Variants in CPLX2 observed in about 807,000 individuals in gnomAD.
The protein encoded by CPLX2 is complexin-2.
A neutral mutation model predicts 16.3 loss-of-function variants in CPLX2; 5 were observed. The ratio of observed to expected loss-of-function variants is 0.31; its 90% CI spans 0.16 to 0.64. The LOEUF (loss-of-function observed/expected upper bound fraction) is 0.64, where lower values mean the gene tolerates loss of function less well. CPLX2 is among the 30% of genes least tolerant of loss of function. The pLI is 0.79. For missense variants in CPLX2, 144 were observed against 181.4 expected (o/e 0.79, Z 1.18); for synonymous variants, 89 against 73.2 (o/e 1.22, Z -1.10).
chr5:175,801,969 C>G (rs1420036150), intron 1 of CPLX2, among the ~76,000 whole-genome samples: 1 of 152,212 alleles, frequency 6.6e-6, no homozygotes, highest in Non-Finnish European at 1.5e-5. Context: ...CCCACAGTCA[C>G]ACAGCCAGTT....
rs1313162735 is a variant in CPLX2, at chr5:175,830,448, C to T, written c.-89+21380C>T. 1.3e-5 allele frequency among the ~76,000 whole-genome samples: 2 copies of T among 152,182 alleles called. No homozygotes were observed. The highest frequency in any genetic ancestry group is 2.9e-5 in the Non-Finnish European group (2 of 68,026). ...TCCCCGCCCCCGGAGGTGCGTGATG[C>T]CCCCACAGAGGAGAGTGAAGCGAGG... On this transcript the variant is annotated intron_variant, in intron 2 of 4. Coordinates refer to the CPLX2 transcript ENST00000359546. This position sits in a 1 kb window ranked among gnomAD's most constrained non-coding sequence, Gnocchi z 4.0.
At chr5:175,871,845 C>T (rs1759629124) in intron 1 of CPLX2, 140 bp downstream of exon 1, 2 of 152,440 alleles carry the variant, frequency 1.3e-5, no homozygotes, top group South Asian at 2.1e-4. Context: ...GCTGCCTGGG[C>T]ACCGGATGGG....
chr5:175,803,104 C>T (rs550650633), intron 1 of CPLX2, among the ~76,000 whole-genome samples: 93 of 152,308 alleles, frequency 6.1e-4, no homozygotes, highest in African/African-American at 2.1e-3. Flanking sequence ...GCTGGGATTA[C>T]AGGCATGAGC....
At chr5:175,854,454 C>A (rs561931501) in intron 2 of CPLX2, among the ~76,000 whole-genome samples, 1 of 152,284 alleles carries the variant, frequency 6.6e-6, no homozygotes, top group African/African-American at 2.4e-5. Flanking sequence ...CTTTCTGAGC[C>A]TCAGTTTGCC....
intron 1 of CPLX2, chr5:175,805,757 T>G (rs964122609): frequency 7.2e-5 from 11 of 152,394 alleles, no homozygotes; most frequent in African/African-American, 2.7e-4. Flanking sequence ...GGGGAAGCCT[T>G]TGCTGGAACT....
chr5:175,839,568 G>C (rs374308372), intron 2 of CPLX2, among the ~76,000 whole-genome samples: 1 of 152,222 alleles, frequency 6.6e-6, no homozygotes, highest in South Asian at 2.1e-4. Flanking sequence ...TTACAGGCGT[G>C]AGCCACCTCA....
chr5:175,869,067 TA>T (rs1759530935), upstream of CPLX2, among the ~76,000 whole-genome samples: 1 of 152,224 alleles, frequency 6.6e-6, no homozygotes, highest in Non-Finnish European at 1.5e-5. Context: ...AGACTTATGA[TA>T]TTCAGCAACT....
In CPLX2 at chr5:175,809,614, C is replaced by T. The variant is rs1396922713; in HGVS notation, c.-89+546C>T. 6.6e-6 allele frequency among the ~76,000 whole-genome samples: 1 copy of T among 152,086 alleles called. No individual in the cohort carries two copies. Among genetic ancestry groups the T allele is most frequent in the African/African-American group, 2.4e-5 (1 of 41,390 alleles). On this transcript the variant is annotated intron_variant, in intron 2 of 4. Transcript: ENST00000359546. This position sits in a 1 kb window ranked among gnomAD's most constrained non-coding sequence, Gnocchi z 4.4. ...CGGCTTCCTGCACTGATGAGCTCAA[C>T]ATCCCCCATGCCACCCCCTCCCCAG...
chr5:175,865,692 A>C (rs1246664537), intron 2 of CPLX2, among the ~76,000 whole-genome samples: 1 of 152,214 alleles, frequency 6.6e-6, no homozygotes, highest in African/African-American at 2.4e-5. Flanking sequence ...CTGTAAGATG[A>C]GGGTCCAGGA....
At chr5:175,840,389 G>A (rs1313111897) in intron 2 of CPLX2, among the ~76,000 whole-genome samples, 1 of 152,086 alleles carries the variant, frequency 6.6e-6, no homozygotes, top group Non-Finnish European at 1.5e-5. Context: ...TTTTCTTCAG[G>A]TATTTAACAA....
chr5:175,871,447 GAGAGAGAGAGA>G (rs2113703904), upstream of CPLX2: 1 of 95,784 alleles, frequency 1.0e-5, no homozygotes, highest in East Asian at 3.8e-4. Context: ...GAGAGAGAGA[GAGAGAGAGAGA>G]GAGAGAGAGA....
chr5:175,833,962 G>A (rs1758778344), intron 2 of CPLX2, among the ~76,000 whole-genome samples: 1 of 152,176 alleles, frequency 6.6e-6, no homozygotes, highest in South Asian at 2.1e-4. Context: ...CATGGCTCCA[G>A]CCCCCATGGG....
intron 1 of CPLX2, among the ~76,000 whole-genome samples, chr5:175,874,189 G>A (rs943050548): frequency 6.6e-6 from 1 of 152,194 alleles, no homozygotes; most frequent in Admixed American, 6.5e-5. Context: ...GAGAGCTGAG[G>A]GAGAGACAGT....
chr5:175,825,955 A>AAAT (rs1482189098), intron 2 of CPLX2, among the ~76,000 whole-genome samples: 1 of 151,310 alleles, frequency 6.6e-6, no homozygotes, highest in South Asian at 2.1e-4. Context: ...AAAAAAAAAA[A>AAAT]AAAAGCCTGG....
intron 2 of CPLX2, among the ~76,000 whole-genome samples, chr5:175,827,312 G>A (rs1309056092): frequency 6.6e-6 from 1 of 152,226 alleles, no homozygotes; most frequent in Non-Finnish European, 1.5e-5. Context: ...CAGAGGAAAT[G>A]GGGATACCCT....
At chr5:175,876,719 G>A (rs1174361448) in intron 1 of CPLX2, among the ~76,000 whole-genome samples, 1 of 152,176 alleles carries the variant, frequency 6.6e-6, no homozygotes, top group Non-Finnish European at 1.5e-5. Flanking sequence ...TCTCAAATTA[G>A]AGCCCTGCAT....
intron 2 of CPLX2, among the ~76,000 whole-genome samples, chr5:175,842,797 T>TA (rs998430847): frequency 2.0e-4 from 30 of 152,230 alleles, no homozygotes; most frequent in African/African-American, 6.3e-4. Context: ...CTGCCCTTCT[T>TA]AGACTCTTTG....
intron 2 of CPLX2, among the ~76,000 whole-genome samples, chr5:175,857,972 C>T (rs894868574): frequency 7.2e-5 from 11 of 152,316 alleles, no homozygotes; most frequent in African/African-American, 1.2e-4. Context: ...CCCAGCAGCG[C>T]CAGGGCCTGT....
rs1758757963 is a variant in CPLX2 at position 175,832,880 on chromosome 5, C to T, written c.-89+23812C>T. Among the ~76,000 whole-genome samples, 5 of 152,246 alleles carry T rather than the reference C, an allele frequency of 3.3e-5. No homozygotes were observed. The South Asian group carries it at 8.3e-4, about 25-fold the overall frequency. On this transcript the variant is annotated intron_variant, in intron 2 of 4. Transcript: ENST00000359546. The stretch of plus-strand genomic sequence containing the variant: ...GCTAAGAAAAAAGGATTAGGCTGGG[C>T]GTGGTGGCTCATGCCTGTGATCCCA...
Sources: gnomAD v4.1 joint callset for allele counts (sites outside exome capture counted in the v4.1 genomes callset) on GRCh38, gnomAD v4.1.1 for gene constraint, Gnocchi (gnomAD v3.1) non-coding constraint, MANE v1.5 for transcripts, NCBI Gene and HGNC (gene_info 2026-07-23, HGNC 2026-07-21) for gene names.